BTBD16: variants seen among roughly 807,000 people sequenced by gnomAD.
The protein encoded by BTBD16 is BTB domain containing 16, also known as BTB/POZ domain-containing protein 16.
A neutral mutation model predicts 67.4 loss-of-function variants in BTBD16; 66 were observed. That is an observed-to-expected ratio of 0.98 (90% confidence interval 0.80 to 1.20). The LOEUF (loss-of-function observed/expected upper bound fraction) is 1.20, where lower values mean the gene tolerates loss of function less well. BTBD16 is among the 50% of genes most tolerant of loss of function. The pLI is 0.00. For missense variants in BTBD16, 634 were observed against 616.0 expected, an observed-to-expected ratio of 1.03 and a Z score of -0.31; for synonymous variants, 242 against 236.4, an observed-to-expected ratio of 1.02 and a Z score of -0.22.
intron 10 of BTBD16, among the ~76,000 whole-genome samples, chr10:122,321,953 T>A (rs1247361154): frequency 6.6e-6 from 1 of 152,154 alleles, no homozygotes; most frequent in African/African-American, 2.4e-5. Context: ...ATTTTTATAG[T>A]TTTAGGCCTT....
intron 3 of BTBD16, among the ~76,000 whole-genome samples, chr10:122,278,131 G>A (rs1262565339): frequency 2.0e-5 from 3 of 152,344 alleles, no homozygotes; most frequent in Non-Finnish European, 4.4e-5. Context: ...TGCAGGTGCT[G>A]GAGCTAGGCC....
intron 1 of BTBD16, among the ~76,000 whole-genome samples, chr10:122,274,193 G>C (rs565568341): frequency 1.3e-5 from 2 of 152,326 alleles, no homozygotes; most frequent in South Asian, 2.1e-4. Flanking sequence ...CCCAGTGCAC[G>C]TTCTTGTTGG....
intron 9 of BTBD16, 124 bp downstream of exon 9, chr10:122,299,258 C>T: frequency 1.6e-6 from 2 of 1,216,996 alleles, no homozygotes; most frequent in Non-Finnish European, 2.2e-6. Flanking sequence ...CCCTCCTGGA[C>T]AGCTGAGCCT....
intron 7 of BTBD16, among the ~76,000 whole-genome samples, chr10:122,296,494 T>C (rs74889816): frequency 2.6e-5 from 4 of 152,178 alleles, no homozygotes; most frequent in Admixed American, 6.5e-5. Context: ...CATTGAGTCA[T>C]AATGAGTTTA....
intron 15 of BTBD16, 52 bp downstream of exon 15, chr10:122,336,734 C>A: frequency 1.4e-6 from 2 of 1,477,570 alleles, no homozygotes; most frequent in South Asian, 1.4e-5. Context: ...CTTTCTCTCC[C>A]CCATCCTTTT....
intron 10 of BTBD16, among the ~76,000 whole-genome samples, chr10:122,312,303 CTTTTTCTTTTTTTTTTT>C (rs1388654703): frequency 2.3e-5 from 3 of 130,586 alleles, no homozygotes; most frequent in Non-Finnish European, 4.7e-5. Context: ...TTTTCTTTTT[CTTTTTCTTTTTTTTTTT>C]TTTTTTTTTT....
rs537082439 is a variant in BTBD16, at chr10:122,327,112, G to T, written c.912-2368G>T. ...CCCTGAGTGGCCTGTGTAGGACACTGGCTCTAAGACAGTGGACCTTGCTAG... is the reference window on the plus strand; with the variant it reads ...CCCTGAGTGGCCTGTGTAGGACACTTGCTCTAAGACAGTGGACCTTGCTAG... On this transcript the variant is annotated intron_variant, in intron 10 of 15. Coordinates refer to ENST00000260723, the MANE Select transcript of BTBD16 (RefSeq NM_144587.5). Among the ~76,000 whole-genome samples the T allele has an allele frequency of 3.9e-5, 6 of 152,270 alleles. No homozygotes were observed. The South Asian group carries it at 1.2e-3, about 32-fold the overall frequency.
At chr10:122,313,965 T>C (rs926410195) in intron 10 of BTBD16, among the ~76,000 whole-genome samples, 6 of 152,240 alleles carry the variant, frequency 3.9e-5, no homozygotes, top group Non-Finnish European at 8.8e-5. Context: ...TGTTTCATTA[T>C]AAATCTTGAG....
chr10:122,336,844 A>T lies in BTBD16; in HGVS notation c.1452+162A>T, dbSNP rs143137809. Among the ~76,000 whole-genome samples the T allele has an allele frequency of 5.1e-3, 779 of 152,340 alleles. 7 individuals carry two copies. Among genetic ancestry groups the T allele is most frequent in the African/African-American group, 0.018 (729 of 41,576 alleles). ...TTATCACAGCCTCAAATAACGCTAA[A>T]GAGAAATCTCTTCTAGAATGAAAAA... is the stretch of plus-strand genomic sequence containing the variant. On this transcript the variant is annotated intron_variant, in intron 15 of 15. Coordinates refer to ENST00000260723, the MANE Select transcript of BTBD16 (RefSeq NM_144587.5).
At chr10:122,308,840 C>T (rs192538915) in intron 10 of BTBD16, among the ~76,000 whole-genome samples, 1 of 152,122 alleles carries the variant, frequency 6.6e-6, no homozygotes, top group Non-Finnish European at 1.5e-5. Context: ...TGTCATTGGC[C>T]TCCATCTCCC....
intron 2 of BTBD16, among the ~76,000 whole-genome samples, chr10:122,275,310 C>T (rs1343332065): frequency 1.3e-5 from 2 of 152,152 alleles, no homozygotes; most frequent in African/African-American, 4.8e-5. Context: ...TTTACTTTGA[C>T]GTTTTACGTG....
chr10:122,283,811 G>C (rs1564958707), intron 3 of BTBD16, 40 bp from the exon 4 acceptor site: 1 of 1,514,474 alleles, frequency 6.6e-7, no homozygotes, highest in Non-Finnish European at 9.2e-7. Flanking sequence ...AAAAATGTCA[G>C]TATTAACTCC....
intron 15 of BTBD16, among the ~76,000 whole-genome samples, 156 bp downstream of exon 15, chr10:122,336,838 C>T (rs3817286): frequency 0.37 from 55,526 of 152,006 alleles, 10,593 homozygotes; most frequent in East Asian, 0.69. Context: ...CCTCAAATAA[C>T]GCTAAAGAGA....
At chr10:122,292,560 G>C (rs2096376077) in intron 7 of BTBD16, among the ~76,000 whole-genome samples, 1 of 152,196 alleles carries the variant, frequency 6.6e-6, no homozygotes, top group Non-Finnish European at 1.5e-5. Flanking sequence ...GCTAATTTGT[G>C]GTTCTGACCC....
At chr10:122,311,892 AT>A (rs2096414333) in intron 10 of BTBD16, among the ~76,000 whole-genome samples, 2 of 152,250 alleles carry the variant, frequency 1.3e-5, no homozygotes, top group African/African-American at 4.8e-5. Context: ...ATTCTGTAGC[AT>A]ACACCTTTAA....
chr10:122,329,643 G>A lies in BTBD16; in HGVS notation c.1003+72G>A, dbSNP rs777055546. 80 of 1,297,566 alleles carry A rather than the reference G, an allele frequency of 6.2e-5. No homozygotes were observed. In the East Asian group the frequency reaches 1.1e-3, roughly 17 times the overall value. The allele number at this position is 1,297,566 out of a possible 1,614,324, so 80.4% of individuals were successfully genotyped here. ...ACCTGCCCACCCCCCAGCCACTGCC[G>A]GGGGAGCCCCACCTGATGTTTCCAA... On this transcript the variant is annotated intron_variant, in intron 11 of 15. Transcript: ENST00000260723.
chr10:122,318,071 ATG>A (rs1430306322), intron 10 of BTBD16, among the ~76,000 whole-genome samples: 2 of 152,052 alleles, frequency 1.3e-5, no homozygotes, highest in African/African-American at 4.8e-5. Context: ...CCACAAACAC[ATG>A]TGTTGTGCTA....
chr10:122,317,414 G>A (rs11522516), intron 10 of BTBD16, among the ~76,000 whole-genome samples: 8 of 152,044 alleles, frequency 5.3e-5, no homozygotes, highest in Admixed American at 2.0e-4. Flanking sequence ...TTGGGAGGCC[G>A]AGGCTGGTGG....
intron 2 of BTBD16, among the ~76,000 whole-genome samples, chr10:122,275,497 A>G (rs1343300490): frequency 1.3e-5 from 2 of 152,208 alleles, no homozygotes; most frequent in African/African-American, 2.4e-5. Context: ...CGTTGTCACG[A>G]TAACCATTAC....
Sources: gnomAD v4.1 joint callset for allele counts (sites outside exome capture counted in the v4.1 genomes callset) on GRCh38, gnomAD v4.1.1 for gene constraint, MANE v1.5 for transcripts, NCBI Gene and HGNC (gene_info 2026-07-23, HGNC 2026-07-21) for gene names.